Variants in NLGN1 observed in about 807,000 individuals in gnomAD.
NLGN1 encodes the protein neuroligin 1, also known as neuroligin-1.
A neutral mutation model predicts 65.5 loss-of-function variants in NLGN1; 12 were observed. The ratio of observed to expected loss-of-function variants is 0.18; its 90% CI spans 0.12 to 0.30. The LOEUF (loss-of-function observed/expected upper bound fraction) is 0.30, where lower values mean the gene tolerates loss of function less well. Among genes scored for constraint, NLGN1 ranks in the 10% least tolerant of loss-of-function variants. NLGN1 has a pLI of 1.00. For synonymous variants in NLGN1, 350 were observed against 359.5 expected, an observed-to-expected ratio of 0.97 and a Z score of 0.30; for missense variants, 750 against 1,007.1, an observed-to-expected ratio of 0.74 and a Z score of 3.46.
At chr3:173,450,277 G>T (rs1456968114) in intron 2 of NLGN1, among the ~76,000 whole-genome samples, 3 of 152,100 alleles carry the variant, frequency 2.0e-5, no homozygotes, top group Non-Finnish European at 4.4e-5. Flanking sequence ...AAATCTCTCA[G>T]CATTTGCTTG....
At chr3:174,138,474 G>A (rs1455849610) in intron 4 of NLGN1, among the ~76,000 whole-genome samples, 14 of 135,804 alleles carry the variant, frequency 1.0e-4, no homozygotes, top group African/African-American at 4.0e-4. Flanking sequence ...TCGCTCCGTC[G>A]CCGAGGCTGG....
intron 4 of NLGN1, among the ~76,000 whole-genome samples, chr3:174,020,372 C>A (rs1296649518): frequency 6.6e-6 from 1 of 152,022 alleles, no homozygotes; most frequent in Admixed American, 6.6e-5. Context: ...CAAAAATTGT[C>A]CCCAAGTGAC....
At chr3:173,751,002 A>G (rs1776229696) in intron 3 of NLGN1, among the ~76,000 whole-genome samples, 1 of 152,050 alleles carries the variant, frequency 6.6e-6, no homozygotes, top group African/African-American at 2.4e-5. Flanking sequence ...CTATTACCCT[A>G]TTTCTGCAGG....
chr3:174,265,392 T>C (rs1747860012), intron 4 of NLGN1, among the ~76,000 whole-genome samples: 1 of 152,132 alleles, frequency 6.6e-6, no homozygotes, highest in Non-Finnish European at 1.5e-5. Context: ...GTGCGCCGTT[T>C]TTTAAGCCGG....
chr3:173,882,258 A>G (rs990491376), intron 4 of NLGN1, among the ~76,000 whole-genome samples: 10 of 152,124 alleles, frequency 6.6e-5, no homozygotes, highest in Admixed American at 1.3e-4. Context: ...TAGATTTTTC[A>G]TGATTCTTAA....
intron 4 of NLGN1, among the ~76,000 whole-genome samples, chr3:173,965,046 C>T (rs1714506645): frequency 6.6e-6 from 1 of 152,006 alleles, no homozygotes; most frequent in African/African-American, 2.4e-5. Flanking sequence ...CATTGTTTTC[C>T]AAATTTTGGT....
rs377342850 is a variant in NLGN1 at position 173,465,551 on chromosome 3, A to G, written c.-321+30473A>G. Among the ~76,000 whole-genome samples, 11 of 152,350 alleles carry G rather than the reference A, an allele frequency of 7.2e-5. 1 individual carries two copies. The highest frequency in any genetic ancestry group is 2.6e-4 in the African/African-American group (11 of 41,584). ...AGCCTATGTTTTTAACGGAAATGCC[A>G]AGTAGGTAGTTAGAAATGTCAGAAT... On this transcript the variant is annotated intron_variant, in intron 2 of 6. Coordinates refer to ENST00000457714, the Ensembl canonical transcript of NLGN1.
chr3:173,808,494 A>T (rs1210853297), intron 4 of NLGN1, among the ~76,000 whole-genome samples: 1 of 152,170 alleles, frequency 6.6e-6, no homozygotes, highest in African/African-American at 2.4e-5. Context: ...TAACTTAGGT[A>T]TTCTGAGATA....
At chr3:174,231,395 T>A (rs1469460283) in intron 4 of NLGN1, among the ~76,000 whole-genome samples, 1 of 152,192 alleles carries the variant, frequency 6.6e-6, no homozygotes, top group African/African-American at 2.4e-5. Context: ...AGCTCAGCGT[T>A]GGACTTCTTT....
intron 2 of NLGN1, among the ~76,000 whole-genome samples, chr3:173,600,151 G>A (rs1750197968): frequency 6.7e-6 from 1 of 149,814 alleles, no homozygotes; most frequent in Non-Finnish European, 1.5e-5. Context: ...TGTGAGATTT[G>A]TATATCTATG....
At chr3:173,530,096 A>G (rs1560390731) in intron 2 of NLGN1, among the ~76,000 whole-genome samples, 1 of 152,026 alleles carries the variant, frequency 6.6e-6, no homozygotes, top group East Asian at 1.9e-4. Context: ...TAGCTGGTAC[A>G]GTTACACACC....
intron 4 of NLGN1, among the ~76,000 whole-genome samples, chr3:174,249,181 T>A (rs1253153835): frequency 6.6e-6 from 1 of 152,188 alleles, no homozygotes; most frequent in African/African-American, 2.4e-5. Context: ...TTCCCCCATC[T>A]TTTCTATGAT....
intron 3 of NLGN1, among the ~76,000 whole-genome samples, chr3:173,780,105 TGTTCTTTGAAAC>T (rs1256640615): frequency 1.3e-5 from 2 of 152,180 alleles, no homozygotes; most frequent in East Asian, 3.9e-4. Context: ...ATATATAATT[TGTTCTTTGAAAC>T]GTCCATATTT....
intron 3 of NLGN1, chr3:173,789,996 T>C (rs745859856): frequency 2.5e-6 from 1 of 407,512 alleles, no homozygotes; most frequent in Non-Finnish European, 4.9e-6. Flanking sequence ...GTCATAACCA[T>C]GCCTTTCTTT....
chr3:173,855,186 T>A (rs1008240634), intron 4 of NLGN1, among the ~76,000 whole-genome samples: 1 of 152,080 alleles, frequency 6.6e-6, no homozygotes, highest in African/African-American at 2.4e-5. Context: ...AGTGGTGATA[T>A]TAAGAATTTA....
At chr3:173,843,303 C>T (rs1333043163) in intron 4 of NLGN1, among the ~76,000 whole-genome samples, 4 of 151,980 alleles carry the variant, frequency 2.6e-5, no homozygotes, top group Admixed American at 1.3e-4. Context: ...CTGACGTGCC[C>T]CGAAGACATT....
At chr3:174,289,960 T>TATATATATGTATATATATATATATAC (rs1339447560), downstream of NLGN1, among the ~76,000 whole-genome samples, 5 of 129,290 alleles carry the variant, frequency 3.9e-5, no homozygotes, top group East Asian at 2.0e-4. Flanking sequence ...TATGTGTATA[T>TATATATATGTATATATATATATATAC]ATATATATGT....
In NLGN1 at chr3:174,218,911, T is replaced by G. The variant is rs998541113; in HGVS notation, c.647-56404T>G. ...GGGAGGATTGCCTCCGGGCTGTTATTGCCATTTATTGAGATTGGGATGATG... is the reference window on the plus strand; with the variant it reads ...GGGAGGATTGCCTCCGGGCTGTTATGGCCATTTATTGAGATTGGGATGATG... On this transcript the variant is annotated intron_variant, in intron 4 of 6. Transcript: ENST00000457714. Among the ~76,000 whole-genome samples the G allele has an allele frequency of 1.5e-4, 23 of 152,048 alleles. 1 individual carries two copies. Among genetic ancestry groups the G allele is most frequent in the African/African-American group, 5.6e-4 (23 of 41,426 alleles).
chr3:173,853,631 G>T (rs923007992), intron 4 of NLGN1, among the ~76,000 whole-genome samples: 1 of 152,036 alleles, frequency 6.6e-6, no homozygotes, highest in Non-Finnish European at 1.5e-5. Context: ...TATTTCTTAT[G>T]TGTGCTTACT....
Sources: allele counts gnomAD v4.1 joint callset (sites outside exome capture counted in the v4.1 genomes callset), GRCh38; gene constraint gnomAD v4.1.1; transcripts MANE v1.5; gene names NCBI Gene and HGNC (gene_info 2026-07-23, HGNC 2026-07-21).